Variants in CCN4 observed in about 807,000 individuals in gnomAD.
CCN4 encodes the protein cellular communication network factor 4.
Under a neutral mutation model 36.7 loss-of-function variants are expected in CCN4, and 30 were observed. The ratio of observed to expected loss-of-function variants is 0.82; its 90% CI spans 0.61 to 1.11. The LOEUF (loss-of-function observed/expected upper bound fraction) is 1.11. Ranked by LOEUF, CCN4 falls within the 50% of genes least tolerant of loss-of-function variation. The pLI is 0.00. For missense variants in CCN4, 505 were observed against 504.9 expected (o/e 1.00, Z 0.00); for synonymous variants, 191 against 195.4 (o/e 0.98, Z 0.19).
rs201767438 is a variant in CCN4, at chr8:133,225,505, C to T, written c.726C>T (p.Asn242=). ...LGVSTRISNV[N]AQCWPEQESR... is the part of the protein sequence containing the mutation. The stretch of plus-strand genomic sequence containing the variant: ...TCTCCACTCGGATCTCCAATGTTAA[C>T]GCCCAGTGCTGGCCTGAGCAAGAGA... The change falls in exon 4 of 5, where the codon AAC becomes AAT. Residue 242 remains asparagine (N), a synonymous_variant. Coordinates refer to ENST00000250160, the MANE Select transcript of CCN4 (RefSeq NM_003882.4). The T allele has an allele frequency of 7.2e-5, 116 of 1,614,108 alleles. No individual in the cohort carries two copies. The highest frequency in any genetic ancestry group is 3.3e-4 in the Middle Eastern group (2 of 6,050).
chr8:133,191,562 C>T (rs537733517), intron 1 of CCN4, among the ~76,000 whole-genome samples: 3 of 152,074 alleles, frequency 2.0e-5, no homozygotes, highest in Non-Finnish European at 4.4e-5. Context: ...TGTGTGGCCT[C>T]GGGTGGGTCA....
intron 3 of CCN4, among the ~76,000 whole-genome samples, chr8:133,221,864 G>C (rs1359003754): frequency 6.6e-6 from 1 of 151,630 alleles, no homozygotes; most frequent in Non-Finnish European, 1.5e-5. Context: ...TGATTGGATG[G>C]ATAGATGATG....
Position 133,229,091 on chromosome 8 carries a change from C to T in CCN4, c.*1381C>T, listed in dbSNP as rs889555646. 5.9e-5 allele frequency: 9 copies of T among 152,182 alleles called. No individual in the cohort carries two copies. The highest frequency in any genetic ancestry group is 8.8e-5 in the Non-Finnish European group (6 of 68,040). 9.4% of individuals were successfully genotyped at this position (152,182 alleles called of 1,614,324 possible). ...TCTCAGTGCTTTGCATGTATTAGCTCACTGAATCTTCACGACAATGTTGAG... is the reference window on the plus strand; with the variant it reads ...TCTCAGTGCTTTGCATGTATTAGCTTACTGAATCTTCACGACAATGTTGAG... On this transcript the variant is annotated 3_prime_UTR_variant, in exon 5 of 5. Coordinates refer to ENST00000250160, the MANE Select transcript of CCN4 (RefSeq NM_003882.4).
intron 1 of CCN4, among the ~76,000 whole-genome samples, chr8:133,197,861 G>T (rs1853445961): frequency 6.6e-6 from 1 of 152,132 alleles, no homozygotes; most frequent in Non-Finnish European, 1.5e-5. Context: ...GTGGAGAAAG[G>T]CATGTGTGCT....
chr8:133,226,805 C>T (rs1435107989), intron 4 of CCN4, among the ~76,000 whole-genome samples: 1 of 152,174 alleles, frequency 6.6e-6, no homozygotes, highest in East Asian at 1.9e-4. Context: ...TGAGAACCCT[C>T]AATCCAATGG....
rs1854857476 is a variant in CCN4 at position 133,229,093 on chromosome 8, C to A, written c.*1383C>A. The A allele has an allele frequency of 6.6e-6, 1 of 152,232 alleles. No homozygotes were observed. Among genetic ancestry groups the A allele is most frequent in the African/African-American group, 2.4e-5 (1 of 41,460 alleles). 9.4% of individuals were successfully genotyped at this position (152,232 alleles called of 1,614,324 possible). On this transcript the variant is annotated 3_prime_UTR_variant, in exon 5 of 5. Transcript: ENST00000250160. ...TCAGTGCTTTGCATGTATTAGCTCA[C>A]TGAATCTTCACGACAATGTTGAGAA...
intron 1 of CCN4, among the ~76,000 whole-genome samples, chr8:133,194,975 G>GTC (rs1853317024): frequency 1.4e-5 from 2 of 146,764 alleles, no homozygotes; most frequent in East Asian, 2.1e-4. Flanking sequence ...TGTGGTGTGT[G>GTC]TGTTGAGTGT....
Position 133,220,936 on chromosome 8 carries a change from A to T in CCN4, c.610+95A>T, listed in dbSNP as rs911853101. Reference sequence around the variant, plus strand: ...ACCACCATAGAATGACTCATTCCCCAGTCCACTACCTACTAGCTTTGTGAC... The same window carrying T: ...ACCACCATAGAATGACTCATTCCCCTGTCCACTACCTACTAGCTTTGTGAC... On this transcript the variant is annotated intron_variant, in intron 3 of 4. Transcript: ENST00000250160. 3 of 1,455,036 alleles carry T rather than the reference A, an allele frequency of 2.1e-6. No homozygotes were observed. The Admixed American group carries it at 7.4e-5, about 36-fold the overall frequency. The allele number at this position is 1,455,036 out of a possible 1,614,324, so 90.1% of individuals were successfully genotyped here. A position where few individuals can be genotyped will look rare whatever the true frequency, so the allele number is the denominator to read the frequency against.
At chr8:133,220,906 CT>C in intron 3 of CCN4, 65 bp downstream of exon 3, 2 of 1,528,306 alleles carry the variant, frequency 1.3e-6, no homozygotes, top group Non-Finnish European at 1.8e-6. Flanking sequence ...CCTCCTGGAA[CT>C]CTGACCACCA....
intron 1 of CCN4, among the ~76,000 whole-genome samples, chr8:133,207,994 G>GTTTTT (rs33983896): frequency 5.5e-4 from 78 of 141,684 alleles, no homozygotes; most frequent in East Asian, 3.1e-3. Flanking sequence ...CCTTTCAGCT[G>GTTTTT]TTTTTTTTTT....
At chr8:133,227,333 A>C in intron 4 of CCN4, 78 bp from the exon 5 acceptor site, 1 of 1,483,272 alleles carries the variant, frequency 6.7e-7, no homozygotes, top group Non-Finnish European at 9.0e-7. Context: ...GAGAAGGGAA[A>C]AACTGGGGGC....
At chr8:133,220,529 CCAG>C (rs1453924742) in intron 2 of CCN4, 49 bp from the exon 3 acceptor site, 73 of 1,589,506 alleles carry the variant, frequency 4.6e-5, no homozygotes, top group Non-Finnish European at 5.6e-5. Context: ...GGCAGCTGGG[CCAG>C]CCAGGGGCAC....
At chr8:133,213,538 A>T (rs987752127) in intron 2 of CCN4, among the ~76,000 whole-genome samples, 21 of 152,096 alleles carry the variant, frequency 1.4e-4, no homozygotes, top group African/African-American at 3.9e-4. Context: ...ATTGTAAATT[A>T]AAAAATATGG....
chr8:133,217,936 C>CCACACACACACACA (rs58105917), intron 2 of CCN4, among the ~76,000 whole-genome samples: 2,184 of 144,494 alleles, frequency 0.015, 67 homozygotes, highest in African/African-American at 0.054. Context: ...ACTCCCTTCT[C>CCACACACACACACA]CACACACACA....
chr8:133,210,599 C>G (rs767388328), intron 1 of CCN4, among the ~76,000 whole-genome samples: 6 of 152,050 alleles, frequency 3.9e-5, no homozygotes, highest in Non-Finnish European at 5.9e-5. Context: ...GAGCCTTCCT[C>G]CCTGCAGGGG....
At position 133,220,722 on chromosome 8, in the gene CCN4, G is replaced by C; in HGVS notation, c.491G>C (p.Arg164Pro). 1 of 1,613,656 alleles carries C rather than the reference G, an allele frequency of 6.2e-7. No homozygotes were observed. Among genetic ancestry groups the C allele is most frequent in the Non-Finnish European group, 8.5e-7 (1 of 1,179,948 alleles). Residue 164 changes from arginine (R) to proline (P), a missense_variant, in exon 3 of 5, where the codon CGT becomes CCT. By Grantham distance (103) the Arg-to-Pro change is moderately radical. Coordinates refer to ENST00000250160, the MANE Select transcript of CCN4 (RefSeq NM_003882.4). The stretch of plus-strand genomic sequence containing the variant: ...CTGTGCCTCCGAGTGCGCCCCCCGC[G>C]TCTCTGGTGCCCCCACCCGCGGCGC... ...TPLCLRVRPP[R>P]LWCPHPRRVS...
chr8:133,193,886 G>A (rs1853204972), intron 1 of CCN4, among the ~76,000 whole-genome samples: 1 of 152,160 alleles, frequency 6.6e-6, no homozygotes, highest in African/African-American at 2.4e-5. Context: ...TAGTGGGGCA[G>A]GTGACAGGGG....
chr8:133,201,873 AAAAC>A, intron 1 of CCN4, among the ~76,000 whole-genome samples: 1 of 148,140 alleles, frequency 6.8e-6, no homozygotes, highest in Middle Eastern at 3.4e-3. Context: ...AGAAAAGAAA[AAAAC>A]CCATACATGT....
chr8:133,196,268 C>A (rs1853379466), intron 1 of CCN4, among the ~76,000 whole-genome samples: 1 of 152,182 alleles, frequency 6.6e-6, no homozygotes, highest in Admixed American at 6.5e-5. Flanking sequence ...GGCCACTCAG[C>A]ACTTGAAATG....
Sources: allele counts gnomAD v4.1 joint callset (sites outside exome capture counted in the v4.1 genomes callset), GRCh38; gene constraint gnomAD v4.1.1; transcripts MANE v1.5; gene names NCBI Gene and HGNC (gene_info 2026-07-23, HGNC 2026-07-21).